Variants in MECOM observed in about 807,000 individuals in gnomAD.
MECOM encodes the protein MDS1 and EVI1 complex locus, also known as histone-lysine N-methyltransferase MECOM.
Under a neutral mutation model 116.3 loss-of-function variants are expected in MECOM, and 13 were observed. That is an observed-to-expected ratio of 0.11 (90% confidence interval 0.07 to 0.18). The LOEUF (loss-of-function observed/expected upper bound fraction) is 0.18. Ranked by LOEUF, MECOM falls within the 10% of genes least tolerant of loss-of-function variation. The pLI is 1.00. For synonymous variants in MECOM, 528 were observed against 535.2 expected, an observed-to-expected ratio of 0.99 and a Z score of 0.19; for missense variants, 1,299 against 1,509.0, an observed-to-expected ratio of 0.86 and a Z score of 2.31.
In MECOM at chr3:169,475,442, G is replaced by C. The variant is rs147038293; in HGVS notation, c.38-93918C>G. Reference sequence around the variant, plus strand: ...ATGACCTTCCTCTTATGCACCCTGGGACTGAATTTGATCACAGTGACAAGC... The same window carrying C: ...ATGACCTTCCTCTTATGCACCCTGGCACTGAATTTGATCACAGTGACAAGC... On this transcript the variant is annotated intron_variant, in intron 1 of 16. Transcript: ENST00000651503. 2.8e-3 allele frequency among the ~76,000 whole-genome samples: 421 copies of C among 152,226 alleles called. 4 individuals carry two copies. The highest frequency in any genetic ancestry group is 9.6e-3 in the African/African-American group (400 of 41,530).
rs77288687 is a variant in MECOM at position 169,379,359 on chromosome 3, G to A, written c.375+1828C>T. On this transcript the variant is annotated intron_variant, in intron 2 of 16. Transcript: ENST00000651503. ...TTGGCCATCAACTGAATTCTTGAAG[G>A]AGAAAGAGGAGAAAGGGAATATGTG... 1.4e-3 allele frequency among the ~76,000 whole-genome samples: 218 copies of A among 152,120 alleles called. 3 individuals carry two copies. The highest frequency in any genetic ancestry group is 4.7e-3 in the African/African-American group (194 of 41,522).
chr3:169,264,382 T>C (rs1306154939), intron 2 of MECOM, among the ~76,000 whole-genome samples: 1 of 152,228 alleles, frequency 6.6e-6, no homozygotes, highest in Non-Finnish European at 1.5e-5. Context: ...TCAGTATTTA[T>C]CTTATTGTAC....
chr3:169,192,950 A>C (rs1747911836), intron 2 of MECOM, among the ~76,000 whole-genome samples: 1 of 151,996 alleles, frequency 6.6e-6, no homozygotes, highest in South Asian at 2.1e-4. Context: ...TAATGGCTCA[A>C]TAGCAACCTA....
chr3:169,115,859 T>C lies in MECOM; in HGVS notation c.2013A>G (p.Lys671=), dbSNP rs1036400927. The C allele has an allele frequency of 5.0e-6, 8 of 1,614,080 alleles. No individual in the cohort carries two copies. Among genetic ancestry groups the C allele is most frequent in the Non-Finnish European group, 6.8e-6 (8 of 1,180,032 alleles). Reference sequence around the variant, plus strand: ...CCACCAGTCCTGTTGAACCAAAGTATTTTTCAGCAATAGAAGCAATAGCCT... The same window carrying C: ...CCACCAGTCCTGTTGAACCAAAGTACTTTTCAGCAATAGAAGCAATAGCCT... ...SIKAIASIAE[K]YFGSTGLVGL... The change falls in exon 8 of 17, where the codon AAA becomes AAG. Residue 671 remains lysine (K), a synonymous_variant. Transcript: ENST00000651503.
chr3:169,147,473 A>G, intron 2 of MECOM: 2 of 985,476 alleles, frequency 2.0e-6, no homozygotes, highest in Non-Finnish European at 2.4e-6. Context: ...GAGTGATCTG[A>G]TCGGAAGCCA....
At chr3:169,465,367 G>T (rs1156656856) in intron 1 of MECOM, among the ~76,000 whole-genome samples, 5 of 152,082 alleles carry the variant, frequency 3.3e-5, no homozygotes, top group Admixed American at 2.6e-4. Flanking sequence ...CATATTCCTA[G>T]TATTGTTATT....
intron 1 of MECOM, among the ~76,000 whole-genome samples, chr3:169,635,111 G>T (rs989448755): frequency 1.3e-5 from 2 of 152,152 alleles, no homozygotes; most frequent in African/African-American, 2.4e-5. Flanking sequence ...GGGGAAGGGG[G>T]TCAGAGCACA....
intron 1 of MECOM, among the ~76,000 whole-genome samples, chr3:169,414,058 C>T (rs1738077464): frequency 6.6e-6 from 1 of 152,208 alleles, no homozygotes; most frequent in Admixed American, 6.5e-5. Flanking sequence ...ACTGCCTCCT[C>T]AAGTGGGTCC....
intron 1 of MECOM, among the ~76,000 whole-genome samples, chr3:169,646,297 G>A (rs9829892): frequency 0.19 from 24,630 of 132,942 alleles, 5,549 homozygotes; most frequent in African/African-American, 0.54. Flanking sequence ...ATCACACACC[G>A]GGGCCTGTCA....
chr3:169,649,121 A>G (rs1454222080), intron 1 of MECOM, among the ~76,000 whole-genome samples: 1 of 152,206 alleles, frequency 6.6e-6, no homozygotes, highest in Non-Finnish European at 1.5e-5. Flanking sequence ...AGTTATTGCA[A>G]TCAGCATTTC....
At chr3:169,139,686 A>G (rs181030869) in intron 3 of MECOM, among the ~76,000 whole-genome samples, 2 of 152,234 alleles carry the variant, frequency 1.3e-5, no homozygotes, top group East Asian at 1.9e-4. Flanking sequence ...GAACTACTCC[A>G]TAAGTACCCA....
chr3:169,101,067 T>C, intron 11 of MECOM, 105 bp from the exon 12 acceptor site: 1 of 579,878 alleles, frequency 1.7e-6, no homozygotes, highest in Non-Finnish European at 2.9e-6. Flanking sequence ...TAATCTTGCA[T>C]GGAACTCACA....
chr3:169,435,568 A>G (rs577307531), intron 1 of MECOM, among the ~76,000 whole-genome samples: 11 of 152,214 alleles, frequency 7.2e-5, no homozygotes, highest in Non-Finnish European at 1.6e-4. Context: ...TCAAAAAGAG[A>G]GTCACATCAA....
intron 1 of MECOM, among the ~76,000 whole-genome samples, chr3:169,551,309 T>C (rs1761375026): frequency 6.6e-6 from 1 of 151,666 alleles, no homozygotes; most frequent in Admixed American, 6.6e-5. Flanking sequence ...CTTTCCTAAA[T>C]GTCCAGTGGT....
chr3:169,437,568 A>C (rs1378664782), intron 1 of MECOM, among the ~76,000 whole-genome samples: 1 of 152,190 alleles, frequency 6.6e-6, no homozygotes. Context: ...AACAGAGTCA[A>C]ACTTTTTGGA....
At chr3:169,227,194 A>G (rs1296340532) in intron 2 of MECOM, among the ~76,000 whole-genome samples, 1 of 152,216 alleles carries the variant, frequency 6.6e-6, no homozygotes, top group East Asian at 1.9e-4. Context: ...AATGGGAAAA[A>G]GGACTAGATC....
At chr3:169,291,180 T>C (rs1326735575) in intron 2 of MECOM, among the ~76,000 whole-genome samples, 1 of 152,172 alleles carries the variant, frequency 6.6e-6, no homozygotes, top group Non-Finnish European at 1.5e-5. Flanking sequence ...TCCTCCTTAT[T>C]GGAAAAATCC....
chr3:169,209,014 C>G (rs1015532249), intron 2 of MECOM, among the ~76,000 whole-genome samples: 3 of 151,814 alleles, frequency 2.0e-5, no homozygotes, highest in Admixed American at 2.0e-4. Flanking sequence ...AACAATGGAA[C>G]AGAACAGAGA....
intron 2 of MECOM, among the ~76,000 whole-genome samples, chr3:169,358,061 C>T (rs1241861791): frequency 6.6e-6 from 1 of 151,708 alleles, no homozygotes; most frequent in Non-Finnish European, 1.5e-5. Flanking sequence ...TGCATGCAAA[C>T]AAAACCTCCC....
Sources: allele counts gnomAD v4.1 joint callset (sites outside exome capture counted in the v4.1 genomes callset), GRCh38; gene constraint gnomAD v4.1.1; transcripts MANE v1.5; gene names NCBI Gene and HGNC (gene_info 2026-07-23, HGNC 2026-07-21).